Variants in LRRC74A observed in about 807,000 individuals in gnomAD.
The protein encoded by LRRC74A is leucine rich repeat containing 74A, also known as leucine-rich repeat-containing protein 74A.
LRRC74A carries 44 observed loss-of-function variants against 57.9 expected under a neutral mutation model. That is an observed-to-expected ratio of 0.76 (90% confidence interval 0.60 to 0.98). The LOEUF is 0.98. Among genes scored for constraint, LRRC74A ranks in the 50% least tolerant of loss-of-function variants. The pLI, the probability that LRRC74A is intolerant of heterozygous loss-of-function variation, is 0.00. For missense variants in LRRC74A, 572 were observed against 574.0 expected, an observed-to-expected ratio of 1.00 and a Z score of 0.04; for synonymous variants, 211 against 219.4, an observed-to-expected ratio of 0.96 and a Z score of 0.34.
rs530028648 is a variant in LRRC74A at position 76,826,765 on chromosome 14, G to T, written c.37+31G>T. The T allele has an allele frequency of 1.7e-4, 243 of 1,430,100 alleles. 1 individual carries two copies. The African/African-American group carries it at 2.3e-3, about 14-fold the overall frequency. The allele number at this position is 1,430,100 out of a possible 1,614,324, so 88.6% of individuals were successfully genotyped here. A position where few individuals can be genotyped will look rare whatever the true frequency, so the allele number is the denominator to read the frequency against. On this transcript the variant is annotated intron_variant, in intron 1 of 13. Transcript: ENST00000689127. Reference sequence around the variant, plus strand: ...AGGGCATCCCATCTCTCACCACTCAGGCCCGTCCCTGCTGCCTCAGTACAA... The same window carrying T: ...AGGGCATCCCATCTCTCACCACTCATGCCCGTCCCTGCTGCCTCAGTACAA...
At chr14:76,844,505 G>A (rs1896990808) in intron 6 of LRRC74A, 33 bp downstream of exon 6, 2 of 1,607,490 alleles carry the variant, frequency 1.2e-6, no homozygotes, top group South Asian at 1.1e-5. Context: ...AAGCCACGTG[G>A]GCGATGTCCC....
intron 5 of LRRC74A, 135 bp from the exon 6 acceptor site, chr14:76,844,288 C>A: frequency 1.3e-6 from 1 of 781,824 alleles, no homozygotes; most frequent in Non-Finnish European, 2.1e-6. Flanking sequence ...CAGGCGTAAG[C>A]CAATGCGTCT....
intron 5 of LRRC74A, among the ~76,000 whole-genome samples, chr14:76,841,815 C>T (rs766353836): frequency 6.6e-6 from 1 of 150,824 alleles, no homozygotes; most frequent in African/African-American, 2.4e-5. Context: ...TGGGTTCAAG[C>T]GATTCTCCTG....
intron 10 of LRRC74A, among the ~76,000 whole-genome samples, chr14:76,858,162 C>T (rs1269445263): frequency 1.3e-5 from 2 of 152,222 alleles, no homozygotes; most frequent in East Asian, 3.8e-4. Flanking sequence ...GTACCACACA[C>T]TGGGTGGCTT....
chr14:76,853,981 C>T (rs554097680), intron 9 of LRRC74A, among the ~76,000 whole-genome samples: 83 of 152,238 alleles, frequency 5.5e-4, no homozygotes, highest in Middle Eastern at 6.8e-3. Flanking sequence ...CCCTCAGTCT[C>T]CTGTCTTTCA....
intron 6 of LRRC74A, 117 bp downstream of exon 6, chr14:76,844,589 G>A (rs1896997102): frequency 9.2e-7 from 1 of 1,091,964 alleles, no homozygotes; most frequent in Non-Finnish European, 1.4e-6. Context: ...AGGGACTGGG[G>A]AGTGTTTAGA....
At chr14:76,851,759 G>A (rs138298426) in intron 7 of LRRC74A, among the ~76,000 whole-genome samples, 8,429 of 150,330 alleles carry the variant, frequency 0.056, 258 homozygotes, top group African/African-American at 0.063. Context: ...TCTGCCTCCC[G>A]GGTTCAAGCG....
chr14:76,839,678 T>A (rs2140272365), intron 5 of LRRC74A, among the ~76,000 whole-genome samples: 1 of 152,354 alleles, frequency 6.6e-6, no homozygotes, highest in African/African-American at 2.4e-5. Flanking sequence ...CTATGAAATG[T>A]CAATTGTTGT....
intron 7 of LRRC74A, among the ~76,000 whole-genome samples, chr14:76,845,882 G>C (rs183394477): frequency 9.2e-5 from 14 of 152,324 alleles, no homozygotes; most frequent in Admixed American, 1.3e-4. Flanking sequence ...GCTGGATGTG[G>C]TGGTGCATGC....
intron 7 of LRRC74A, among the ~76,000 whole-genome samples, chr14:76,850,441 G>A (rs1187786184): frequency 1.3e-5 from 2 of 152,054 alleles, no homozygotes; most frequent in African/African-American, 4.8e-5. Context: ...GAGTGAAGGA[G>A]GGGAGGGGGT....
intron 9 of LRRC74A, among the ~76,000 whole-genome samples, chr14:76,856,107 G>A (rs1380011235): frequency 6.6e-6 from 1 of 152,178 alleles, no homozygotes; most frequent in Non-Finnish European, 1.5e-5. Flanking sequence ...TCCCAGCTCT[G>A]TGGCCTCATT....
In LRRC74A at chr14:76,826,546, G is replaced by A; in HGVS notation, c.-152G>A. On this transcript the variant is annotated 5_prime_UTR_variant, in exon 1 of 14. Coordinates refer to ENST00000689127, the MANE Select transcript of LRRC74A (RefSeq NM_001385106.1). ...CTACTCTTCCCAGGGCTTGCTGGGAGGGAAGGATAACTGCAGGCTCCCCTG... is the reference window on the plus strand; with the variant it reads ...CTACTCTTCCCAGGGCTTGCTGGGAAGGAAGGATAACTGCAGGCTCCCCTG... 1.2e-6 allele frequency: 2 copies of A among 1,611,852 alleles called. No homozygotes were observed. The highest frequency in any genetic ancestry group is 1.3e-5 in the African/African-American group (1 of 75,000).
chr14:76,865,900 G>A (rs1418766082), intron 11 of LRRC74A, 68 bp from the exon 12 acceptor site: 7 of 1,239,918 alleles, frequency 5.6e-6, no homozygotes, highest in Non-Finnish European at 8.1e-6. Flanking sequence ...TTTGTGGGAG[G>A]GAAGGGGGAC....
At chr14:76,864,066 C>T (rs980767508) in intron 11 of LRRC74A, among the ~76,000 whole-genome samples, 1 of 152,202 alleles carries the variant, frequency 6.6e-6, no homozygotes, top group Non-Finnish European at 1.5e-5. Flanking sequence ...GGATGAGAAG[C>T]CTGCTGTGAA....
At chr14:76,870,060 A>T in intron 13 of LRRC74A, 65 bp from the exon 14 acceptor site, 1 of 1,553,038 alleles carries the variant, frequency 6.4e-7, no homozygotes, top group African/African-American at 1.3e-5. Context: ...CTGTCTTAAC[A>T]TTCTCACCCA....
Position 76,864,573 on chromosome 14 carries a change from G to T in LRRC74A, c.1201-1395G>T, listed in dbSNP as rs1226863994. Reference sequence around the variant, plus strand: ...AAAAAGAATATTGTAATATTGTAAGGCCGGATGCAGTAGCTCATGCCTGTA... The same window carrying T: ...AAAAAGAATATTGTAATATTGTAAGTCCGGATGCAGTAGCTCATGCCTGTA... On this transcript the variant is annotated intron_variant, in intron 11 of 13. Transcript: ENST00000689127. Among the ~76,000 whole-genome samples the T allele has an allele frequency of 2.0e-5, 3 of 152,216 alleles. No individual in the cohort carries two copies. The East Asian group carries it at 5.8e-4, about 29-fold the overall frequency.
rs1897468009 is a variant in LRRC74A at position 76,851,302 on chromosome 14, C to T, written c.677-1063C>T. Reference sequence around the variant, plus strand: ...TAAATACAGCCCCTGAAGATGTTTTCCAGCTACTTCTGTCTATTTTAATTC... The same window carrying T: ...TAAATACAGCCCCTGAAGATGTTTTTCAGCTACTTCTGTCTATTTTAATTC... On this transcript the variant is annotated intron_variant, in intron 7 of 13. Coordinates refer to ENST00000689127, the MANE Select transcript of LRRC74A (RefSeq NM_001385106.1). Among the ~76,000 whole-genome samples the T allele has an allele frequency of 5.3e-5, 8 of 152,202 alleles. 1 individual carries two copies. The South Asian group carries it at 1.7e-3, about 31-fold the overall frequency.
intron 5 of LRRC74A, among the ~76,000 whole-genome samples, chr14:76,840,233 G>A (rs1264105234): frequency 6.6e-6 from 1 of 152,078 alleles, no homozygotes; most frequent in Non-Finnish European, 1.5e-5. Flanking sequence ...AATTGCTTGA[G>A]CCCAGGACTG....
At chr14:76,828,174 T>G in intron 1 of LRRC74A, 117 bp from the exon 2 acceptor site, 2 of 1,358,734 alleles carry the variant, frequency 1.5e-6, no homozygotes, top group Non-Finnish European at 2.0e-6. Flanking sequence ...GCTTGGCACC[T>G]TGAGGACCTG....
Sources: allele counts gnomAD v4.1 joint callset (sites outside exome capture counted in the v4.1 genomes callset), GRCh38; gene constraint gnomAD v4.1.1; transcripts MANE v1.5; gene names NCBI Gene and HGNC (gene_info 2026-07-23, HGNC 2026-07-21).